Variants in EVL observed in about 807,000 individuals in gnomAD.
EVL encodes ena/VASP-like protein.
EVL carries 21 observed loss-of-function variants against 59.6 expected under a neutral mutation model. The observed-to-expected ratio is 0.35, with a 90% CI of 0.25 to 0.51. The LOEUF is 0.51. Among genes scored for constraint, EVL ranks in the 20% least tolerant of loss-of-function variants. The probability of loss-of-function intolerance (pLI) is 0.97; values close to 1 mark genes in which losing one functional copy is unlikely to be tolerated. For missense variants in EVL, 462 were observed against 546.6 expected, an observed-to-expected ratio of 0.85 and a Z score of 1.54; for synonymous variants, 198 against 203.5, an observed-to-expected ratio of 0.97 and a Z score of 0.23.
intron 1 of EVL, chr14:99,974,352 T>G (rs1415802387): frequency 6.6e-6 from 1 of 152,436 alleles, no homozygotes. Context: ...AGCTGGAGCC[T>G]GGGTTCTCTG....
intron 13 of EVL, chr14:100,142,228 G>A (rs542357315): frequency 3.2e-5 from 5 of 154,814 alleles, no homozygotes; most frequent in African/African-American, 1.2e-4. Flanking sequence ...TGCCTTCCTG[G>A]GGGTACAGGA....
At chr14:99,991,629 T>A (rs2060875962) in intron 1 of EVL, among the ~76,000 whole-genome samples, 1 of 152,226 alleles carries the variant, frequency 6.6e-6, no homozygotes, top group Admixed American at 6.5e-5. Flanking sequence ...GTTTCCAAAG[T>A]TGATATACTA....
chr14:100,132,019 A>G (rs1265420371), intron 7 of EVL, among the ~76,000 whole-genome samples: 1 of 152,082 alleles, frequency 6.6e-6, no homozygotes, highest in African/African-American at 2.4e-5. Flanking sequence ...TCTCAAGTTG[A>G]AAAGCCACAG....
intron 3 of EVL, chr14:100,102,322 G>A (rs1886273566): frequency 2.2e-6 from 1 of 456,036 alleles, no homozygotes; most frequent in Non-Finnish European, 4.4e-6. Flanking sequence ...ATCCTCTAAT[G>A]ACAAAGCAAC....
intron 3 of EVL, among the ~76,000 whole-genome samples, chr14:100,097,908 A>G (rs1227108395): frequency 6.6e-6 from 1 of 152,256 alleles, no homozygotes; most frequent in Admixed American, 6.5e-5. Flanking sequence ...CCCTGAAGCC[A>G]CATATCCAGA....
rs1272555591 is a variant in EVL, at chr14:100,041,923, G to GT, written c.6-42763dup. On this transcript the variant is annotated intron_variant, in intron 1 of 13. Transcript: ENST00000402714. ...TCAATTAATTGGAGAACAGAGAATA[G>GT]TGAATAGTTGTGCACTGATCTCTGA... 2.6e-5 allele frequency among the ~76,000 whole-genome samples: 4 copies of GT among 152,334 alleles called. No individual in the cohort carries two copies. The East Asian group carries it at 7.7e-4, about 29-fold the overall frequency.
At chr14:100,055,063 G>T (rs1488927332) in intron 1 of EVL, among the ~76,000 whole-genome samples, 1 of 152,130 alleles carries the variant, frequency 6.6e-6, no homozygotes, top group Non-Finnish European at 1.5e-5. Context: ...GCTGGGCATT[G>T]TGGTGCATGC....
intron 1 of EVL, among the ~76,000 whole-genome samples, chr14:100,013,541 T>G (rs1268707218): frequency 2.0e-5 from 3 of 152,230 alleles, no homozygotes; most frequent in Non-Finnish European, 4.4e-5. Flanking sequence ...TGGCTTTCCA[T>G]AGCCACTTGT....
At position 100,126,063 on chromosome 14, in the gene EVL, C is replaced by T. The variant is rs138327618; in HGVS notation, c.423-644C>T. On this transcript the variant is annotated intron_variant, in intron 4 of 13. Transcript: ENST00000392920. ...TTAAAGTGCCTCCCACTCCAGAACT[C>T]GATCCCTGGATTCTGGAGATGTATC... Among the ~76,000 whole-genome samples the T allele has an allele frequency of 2.2e-4, 34 of 152,272 alleles. No homozygotes were observed. In the East Asian group the frequency reaches 6.2e-3, roughly 28 times the overall value.
chr14:100,123,726 G>A (rs1461599278), intron 4 of EVL, 124 bp downstream of exon 4: 18 of 967,160 alleles, frequency 1.9e-5, no homozygotes, highest in Middle Eastern at 2.7e-4. Context: ...CATACACTGC[G>A]GGAGGGTGCA....
At chr14:100,080,540 A>G (rs981080226) in intron 1 of EVL, among the ~76,000 whole-genome samples, 1 of 152,248 alleles carries the variant, frequency 6.6e-6, no homozygotes, top group African/African-American at 2.4e-5. Flanking sequence ...TATAAGTGAT[A>G]GAAGTGCAGT....
At chr14:100,105,357 A>G (rs1165595328) in intron 3 of EVL, among the ~76,000 whole-genome samples, 1 of 152,090 alleles carries the variant, frequency 6.6e-6, no homozygotes, top group Non-Finnish European at 1.5e-5. Context: ...CCCCAATTCT[A>G]GCCTTCCAGA....
chr14:99,973,471 T>G (rs1032245234), intron 1 of EVL, among the ~76,000 whole-genome samples: 6 of 152,248 alleles, frequency 3.9e-5, no homozygotes, highest in Admixed American at 3.9e-4. Flanking sequence ...GGTTTTTGTT[T>G]GTTTGTTTTG....
At chr14:100,050,752 T>TC (rs1473419693) in intron 1 of EVL, among the ~76,000 whole-genome samples, 1 of 150,662 alleles carries the variant, frequency 6.6e-6, no homozygotes, top group East Asian at 1.9e-4. Flanking sequence ...ATGATTTTTT[T>TC]TTTTTTTTGA....
intron 1 of EVL, among the ~76,000 whole-genome samples, chr14:100,079,901 G>C (rs1170744148): frequency 2.0e-4 from 31 of 152,052 alleles, no homozygotes; most frequent in Admixed American, 2.0e-3. Flanking sequence ...GATTTTTTCT[G>C]CATCCTCCTG....
chr14:100,022,667 A>G (rs1267239323), intron 1 of EVL, among the ~76,000 whole-genome samples: 2 of 152,234 alleles, frequency 1.3e-5, no homozygotes, highest in African/African-American at 2.4e-5. Flanking sequence ...CAGAATTCAT[A>G]AAAACAACAG....
At chr14:100,067,753 C>T (rs543191844) in intron 1 of EVL, among the ~76,000 whole-genome samples, 3 of 152,156 alleles carry the variant, frequency 2.0e-5, no homozygotes, top group Non-Finnish European at 4.4e-5. Flanking sequence ...ATTAGAGCTG[C>T]CTCTGTCCTC....
intron 1 of EVL, among the ~76,000 whole-genome samples, chr14:100,068,709 G>A (rs1361150001): frequency 6.6e-6 from 1 of 152,198 alleles, no homozygotes; most frequent in Non-Finnish European, 1.5e-5. Flanking sequence ...GGAAACATGA[G>A]TCAGACATGG....
intron 1 of EVL, among the ~76,000 whole-genome samples, chr14:99,985,435 C>T (rs2060833744): frequency 6.6e-6 from 1 of 152,034 alleles, no homozygotes; most frequent in South Asian, 2.1e-4. Context: ...TGCTTGAAGA[C>T]AATGGACTTC....
Sources: allele counts gnomAD v4.1 joint callset (sites outside exome capture counted in the v4.1 genomes callset), GRCh38; gene constraint gnomAD v4.1.1; transcripts MANE v1.5; gene names NCBI Gene and HGNC (gene_info 2026-07-23, HGNC 2026-07-21).